NUP214: variants seen among roughly 807,000 people sequenced by gnomAD.
NUP214 encodes the protein nucleoporin 214, also known as nuclear pore complex protein Nup214.
In NUP214, 79 loss-of-function variants were observed where a neutral mutation model predicts 196.2. The ratio of observed to expected loss-of-function variants is 0.40; its 90% CI spans 0.34 to 0.49. The LOEUF is 0.49. NUP214 is among the 20% of genes least tolerant of loss of function. NUP214 has a pLI of 0.58. For missense variants in NUP214, 2,468 were observed against 2,539.0 expected, an observed-to-expected ratio of 0.97 and a Z score of 0.60; for synonymous variants, 1,020 against 990.5, an observed-to-expected ratio of 1.03 and a Z score of -0.56.
intron 7 of NUP214, 95 bp downstream of exon 7, chr9:131,133,304 G>GGT: frequency 2.4e-6 from 1 of 421,410 alleles, no homozygotes; most frequent in East Asian, 4.4e-5. Flanking sequence ...TTGTGTTTGT[G>GGT]TTTTTTTTTT....
intron 33 of NUP214, 115 bp from the exon 34 acceptor site, chr9:131,230,515 A>G: frequency 7.8e-7 from 1 of 1,288,932 alleles, no homozygotes; most frequent in East Asian, 2.4e-5. Context: ...CCAGCCTGTC[A>G]CCCTGGATCA....
chr9:131,221,615 C>T (rs1834556577), intron 31 of NUP214, among the ~76,000 whole-genome samples: 1 of 152,156 alleles, frequency 6.6e-6, no homozygotes, highest in Admixed American at 6.5e-5. Flanking sequence ...CAGTCCTCTC[C>T]TTTCACTTTG....
intron 17 of NUP214, among the ~76,000 whole-genome samples, chr9:131,155,703 C>A (rs1480246997): frequency 1.3e-5 from 2 of 152,160 alleles, no homozygotes; most frequent in African/African-American, 4.8e-5. Flanking sequence ...ATGTGGCTTG[C>A]CAATTATCCC....
chr9:131,125,648 C>G lies in NUP214; in HGVS notation c.-57C>G. 1 of 1,542,960 alleles carries G rather than the reference C, an allele frequency of 6.5e-7. No individual in the cohort carries two copies. The highest frequency in any genetic ancestry group is 8.8e-7 in the Non-Finnish European group (1 of 1,142,742). Reference sequence around the variant, plus strand: ...GTTTGCTGTCGAGCGGCCTGGGTTCCGTGGGCAAGGCCGTGGGAGGCAGCG... The same window carrying G: ...GTTTGCTGTCGAGCGGCCTGGGTTCGGTGGGCAAGGCCGTGGGAGGCAGCG... On this transcript the variant is annotated 5_prime_UTR_variant, in exon 1 of 36. Transcript: ENST00000359428. This position sits in a 1 kb window ranked among gnomAD's most constrained non-coding sequence, Gnocchi z 4.1.
intron 21 of NUP214, among the ~76,000 whole-genome samples, chr9:131,170,150 G>A (rs748869936): frequency 1.3e-5 from 2 of 151,960 alleles, no homozygotes; most frequent in Non-Finnish European, 2.9e-5. Flanking sequence ...TGTGACTATG[G>A]TGCATTTTAT....
rs761751905 is a variant in NUP214, at chr9:131,147,528, A to G, written c.1984A>G (p.Met662Val). ...GGGCAGTTCAAGCCCAGTGCCCTCA[A>G]TGGTACAGAAATCACCCAGGATAAC... The part of the protein sequence containing the change: ...AQGSSSPVPS[M>V]VQKSPRITPP... Residue 662 changes from methionine (M) to valine (V), a missense_variant, in exon 14 of 36, where the codon ATG becomes GTG. Physicochemically the swap from Met to Val is conservative, Grantham distance 21. Coordinates refer to ENST00000359428, the MANE Select transcript of NUP214 (RefSeq NM_005085.4). The G allele has an allele frequency of 5.6e-6, 9 of 1,614,178 alleles. No homozygotes were observed. The highest frequency in any genetic ancestry group is 2.2e-5 in the East Asian group (1 of 44,884).
chr9:131,224,481 C>T (rs1834671542), intron 32 of NUP214, among the ~76,000 whole-genome samples: 1 of 152,098 alleles, frequency 6.6e-6, no homozygotes, highest in Non-Finnish European at 1.5e-5. Flanking sequence ...GACACTTGGC[C>T]CTCGTATGCA....
intron 32 of NUP214, among the ~76,000 whole-genome samples, chr9:131,224,641 CTG>C (rs1490846982): frequency 6.6e-6 from 1 of 152,234 alleles, no homozygotes. Flanking sequence ...TCCAAATCCA[CTG>C]TGCACCTTAC....
At chr9:131,196,365 A>C (rs753218305) in intron 28 of NUP214, among the ~76,000 whole-genome samples, 16 of 151,888 alleles carry the variant, frequency 1.1e-4, no homozygotes, top group Non-Finnish European at 2.2e-4. Context: ...CACCATGTTG[A>C]TTGATCAGGC....
rs558153803 is a variant in NUP214 at position 131,195,390 on chromosome 9, A to G, written c.3721+96A>G. The stretch of plus-strand genomic sequence containing the variant: ...ATGTTAGTATTTGACTTGTTCCTGA[A>G]TCTTACTTACAGTATCTGCAATAAG... On this transcript the variant is annotated intron_variant, in intron 28 of 35. Transcript: ENST00000359428. The G allele has an allele frequency of 1.9e-5, 19 of 974,918 alleles. No individual in the cohort carries two copies. The African/African-American group carries it at 2.9e-4, about 15-fold the overall frequency. 60.4% of individuals were successfully genotyped at this position (974,918 alleles called of 1,614,324 possible). A position where few individuals can be genotyped will look rare whatever the true frequency, so the allele number is the denominator to read the frequency against.
Position 131,222,842 on chromosome 9 carries a change from T to C in NUP214, c.5814T>C (p.Phe1938=), listed in dbSNP as rs1227054990. Residue 1938 remains phenylalanine, a synonymous_variant, in exon 32 of 36, where the codon TTT becomes TTC. Transcript: ENST00000359428. ...TTGGTGGATTTGCCAGCTCGTCGTT[T>C]GGAGAGCAGAAACCCACTGGCACTT... The part of the protein sequence containing the change: ...KTFGGFASSS[F]GEQKPTGTFS... 1 of 1,614,124 alleles carries C rather than the reference T, an allele frequency of 6.2e-7. No individual in the cohort carries two copies. Among genetic ancestry groups the C allele is most frequent in the African/African-American group, 1.3e-5 (1 of 74,948 alleles).
rs763224895 is a variant in NUP214 at position 131,133,134 on chromosome 9, C to T, written c.756C>T (p.Tyr252=). The change falls in exon 7 of 36, where the codon TAC becomes TAT. Residue 252 remains tyrosine, a synonymous_variant. Transcript: ENST00000359428. ...TGGATGTGCTGTGGATTGGTACCTA[C>T]GTCTTCGCCATAGTGTATGCTGCTG... ...RVLDVLWIGT[Y]VFAIVYAAAD... 3.1e-6 allele frequency: 5 copies of T among 1,610,894 alleles called. No homozygotes were observed. Among genetic ancestry groups the T allele is most frequent in the Middle Eastern group, 1.6e-4 (1 of 6,068 alleles).
intron 23 of NUP214, among the ~76,000 whole-genome samples, chr9:131,176,336 T>C (rs1190028615): frequency 2.0e-5 from 3 of 151,822 alleles, no homozygotes; most frequent in Non-Finnish European, 4.4e-5. Flanking sequence ...TTTTTTTTTT[T>C]CTTTTGAGAC....
Position 131,222,891 on chromosome 9 carries a change from G to A in NUP214, c.5863G>A (p.Ala1955Thr). The A allele has an allele frequency of 1.9e-6, 3 of 1,614,140 alleles. No homozygotes were observed. The highest frequency in any genetic ancestry group is 2.5e-6 in the Non-Finnish European group (3 of 1,180,022). The change falls in exon 32 of 36, where the codon GCA becomes ACA. Residue 1955 changes from alanine to threonine, a missense_variant. Coordinates refer to ENST00000359428, the MANE Select transcript of NUP214 (RefSeq NM_005085.4). ...GTFSSGGGSV[A>T]SQGFGFSSPN... is the part of the protein sequence containing the mutation. ...TTTCAGCTCTGGAGGAGGAAGTGTGGCATCCCAAGGCTTTGGGTTTTCCTC... is the reference window on the plus strand; with the variant it reads ...TTTCAGCTCTGGAGGAGGAAGTGTGACATCCCAAGGCTTTGGGTTTTCCTC...
At chr9:131,196,647 G>A (rs1311771620) in intron 28 of NUP214, among the ~76,000 whole-genome samples, 1 of 152,176 alleles carries the variant, frequency 6.6e-6, no homozygotes, top group Non-Finnish European at 1.5e-5. Flanking sequence ...ACCAGCGAGT[G>A]GCAGAGTGCA....
At chr9:131,169,361 T>G (rs1271393166) in intron 21 of NUP214, among the ~76,000 whole-genome samples, 1 of 152,084 alleles carries the variant, frequency 6.6e-6, no homozygotes, top group African/African-American at 2.4e-5. Flanking sequence ...TAAATAAAAT[T>G]GCAAGGCAAG....
At position 131,198,488 on chromosome 9, in the gene NUP214, C is replaced by G. The variant is rs1290400408; in HGVS notation, c.4994C>G (p.Ala1665Gly). The change falls in exon 29 of 36, where the codon GCC (alanine) becomes GGC (glycine). Residue 1665 changes from alanine to glycine, a missense_variant. Ala to Gly is a moderately conservative substitution (Grantham distance 60). Coordinates refer to ENST00000359428, the MANE Select transcript of NUP214 (RefSeq NM_005085.4). ...SAFNQLTNNT[A>G]TAPSATPVFG... is the part of the protein sequence containing the mutation. ...TTCAACCAGCTCACCAACAACACAGCCACTGCCCCCTCTGCCACGCCCGTG... is the reference window on the plus strand; with the variant it reads ...TTCAACCAGCTCACCAACAACACAGGCACTGCCCCCTCTGCCACGCCCGTG... The G allele has an allele frequency of 1.2e-6, 2 of 1,614,136 alleles. No homozygotes were observed. Among genetic ancestry groups the G allele is most frequent in the Admixed American group, 3.3e-5 (2 of 60,012 alleles).
At position 131,164,053 on chromosome 9, in the gene NUP214, T is replaced by C. The variant is rs775181312; in HGVS notation, c.2810-8T>C. 1 of 1,614,180 alleles carries C rather than the reference T, an allele frequency of 6.2e-7. No individual in the cohort carries two copies. The highest frequency in any genetic ancestry group is 1.7e-5 in the Admixed American group (1 of 60,018). ...TTAATCATTTATGGGTTTATGGATT[T>C]CTTGCAGCCAAACTGTCCCCCATGA... On this transcript the variant is annotated splice_polypyrimidine_tract_variant and splice_region_variant and intron_variant, in intron 20 of 35. Coordinates refer to ENST00000359428, the MANE Select transcript of NUP214 (RefSeq NM_005085.4).
intron 5 of NUP214, among the ~76,000 whole-genome samples, chr9:131,131,686 A>AT (rs1831547839): frequency 6.6e-6 from 1 of 151,816 alleles, no homozygotes; most frequent in Admixed American, 6.6e-5. Context: ...TTATTTATTT[A>AT]TTATTATTTT....
Sources: allele counts gnomAD v4.1 joint callset (sites outside exome capture counted in the v4.1 genomes callset), GRCh38; gene constraint gnomAD v4.1.1; non-coding constraint Gnocchi (gnomAD v3.1); transcripts MANE v1.5; gene names NCBI Gene and HGNC (gene_info 2026-07-23, HGNC 2026-07-21).